The following TRIM66 variants were observed in gnomAD, a reference collection of about 807,000 sequenced individuals.
The protein encoded by TRIM66 is tripartite motif containing 66.
TRIM66 carries 99 observed loss-of-function variants against 148.2 expected under a neutral mutation model. The ratio of observed to expected loss-of-function variants is 0.67; its 90% CI spans 0.57 to 0.79. The LOEUF (loss-of-function observed/expected upper bound fraction) is 0.79, where lower values mean the gene tolerates loss of function less well. Among genes scored for constraint, TRIM66 ranks in the 30% least tolerant of loss-of-function variants. The pLI, the probability that TRIM66 is intolerant of heterozygous loss-of-function variation, is 0.00. For missense variants in TRIM66, 1,666 were observed against 1,697.9 expected (o/e 0.98, Z 0.33); for synonymous variants, 616 against 635.9 (o/e 0.97, Z 0.47).
intron 6 of TRIM66, among the ~76,000 whole-genome samples, chr11:8,652,185 A>G (rs1167131656): frequency 6.6e-6 from 1 of 151,916 alleles, no homozygotes; most frequent in East Asian, 1.9e-4. Flanking sequence ...CTACAGGCCC[A>G]ACGCTGCTTT....
At chr11:8,647,935 AT>A in intron 10 of TRIM66, 34 bp downstream of exon 10, 1 of 1,489,970 alleles carries the variant, frequency 6.7e-7, no homozygotes, top group African/African-American at 1.4e-5. Flanking sequence ...GGAACAGAGC[AT>A]TTCCAGCACT....
chr11:8,637,472 G>C (rs1468965597), intron 15 of TRIM66, among the ~76,000 whole-genome samples: 2 of 152,306 alleles, frequency 1.3e-5, no homozygotes, highest in African/African-American at 4.8e-5. Context: ...TCTATGCCAA[G>C]TCATTTTCAA....
chr11:8,638,940 C>T, intron 14 of TRIM66, 125 bp from the exon 15 acceptor site: 1 of 1,013,362 alleles, frequency 9.9e-7, no homozygotes, highest in South Asian at 1.8e-5. Flanking sequence ...TTGTGGACTG[C>T]TTAAACGTTT....
At chr11:8,637,469 C>A (rs2035987428) in intron 15 of TRIM66, among the ~76,000 whole-genome samples, 1 of 152,136 alleles carries the variant, frequency 6.6e-6, no homozygotes. Context: ...GCCTCTATGC[C>A]AAGTCATTTT....
intron 3 of TRIM66, among the ~76,000 whole-genome samples, chr11:8,675,774 C>T (rs1040701106): frequency 6.6e-6 from 1 of 151,390 alleles, no homozygotes; most frequent in African/African-American, 2.4e-5. Flanking sequence ...GAGTCTCGCT[C>T]TGTCGTCAGG....
At chr11:8,644,509 C>A (rs967542154) in intron 12 of TRIM66, 5 of 428,682 alleles carry the variant, frequency 1.2e-5, no homozygotes, top group Non-Finnish European at 1.9e-5. Context: ...AACTTAACTA[C>A]AGCATTGTCC....
intron 15 of TRIM66, among the ~76,000 whole-genome samples, chr11:8,634,493 T>C (rs917905089): frequency 1.3e-5 from 2 of 152,224 alleles, no homozygotes; most frequent in Non-Finnish European, 2.9e-5. Flanking sequence ...AAGGATTGTG[T>C]GTATTTTTCG....
Position 8,619,440 on chromosome 11 carries a change from TG to T in TRIM66, c.3842del (p.Pro1281GlnfsTer40), listed in dbSNP as rs1478834816. ...QKKDPAHYTT[P>X]EEVVSDVRLM... ...GGCGCACATCTGATACCACCTCCTCTGGGGTGGTATAGTGAGCTGGGTCCTT... is the reference window on the plus strand; with the variant it reads ...GGCGCACATCTGATACCACCTCCTCTGGGTGGTATAGTGAGCTGGGTCCTT... On this transcript the variant is annotated frameshift_variant, in exon 23 of 25. Transcript: ENST00000646038. LOFTEE classifies it high-confidence loss of function. 7 of 1,550,394 alleles carry T rather than the reference TG, an allele frequency of 4.5e-6. No homozygotes were observed. Among genetic ancestry groups the T allele is most frequent in the Non-Finnish European group, 6.1e-6 (7 of 1,146,394 alleles).
Sources: allele counts gnomAD v4.1 joint callset (sites outside exome capture counted in the v4.1 genomes callset), GRCh38; gene constraint gnomAD v4.1.1; transcripts MANE v1.5; gene names NCBI Gene and HGNC (gene_info 2026-07-23, HGNC 2026-07-21).